The following ADCY9 variants were observed in gnomAD, a reference collection of about 807,000 sequenced individuals.
ADCY9 encodes the protein adenylate cyclase 9.
In ADCY9, 50 loss-of-function variants were observed where a neutral mutation model predicts 101.5. The observed-to-expected ratio is 0.49, with a 90% CI of 0.39 to 0.62. The LOEUF (loss-of-function observed/expected upper bound fraction) is 0.62, where lower values mean the gene tolerates loss of function less well. ADCY9 is among the 20% of genes least tolerant of loss of function. ADCY9 has a pLI of 0.00. For synonymous variants in ADCY9, 905 were observed against 769.3 expected, an observed-to-expected ratio of 1.18 and a Z score of -2.92; for missense variants, 1,662 against 1,800.4, an observed-to-expected ratio of 0.92 and a Z score of 1.39.
chr16:3,980,994 T>C (rs574008596), intron 7 of ADCY9, among the ~76,000 whole-genome samples: 1 of 152,154 alleles, frequency 6.6e-6, no homozygotes, highest in South Asian at 2.1e-4. Flanking sequence ...CTGGCTTTCC[T>C]CCTGTACAGG....
rs2055992041 is a variant in ADCY9, at chr16:3,966,156, C to T, written c.3681G>A (p.Gly1227=). 4 of 1,614,222 alleles carry T rather than the reference C, an allele frequency of 2.5e-6. No homozygotes were observed. The highest frequency in any genetic ancestry group is 2.5e-6 in the Non-Finnish European group (3 of 1,180,034). Residue 1227 remains glycine, a synonymous_variant, in exon 11 of 11, where the codon GGG becomes GGA. Transcript: ENST00000294016. ...GGCCTTTCCCCTTGACATTCACGGT[C>T]CCTCTGTAGTCGAAGTCATAGCCCA... ...SKMGYDFDYR[G]TVNVKGKGQM...
intron 2 of ADCY9, among the ~76,000 whole-genome samples, chr16:4,080,718 G>GTTTTT (rs35038759): frequency 7.0e-6 from 1 of 143,694 alleles, no homozygotes; most frequent in Non-Finnish European, 1.5e-5. Context: ...CATTTTTTTC[G>GTTTTT]TTTTTTTTTT....
intron 2 of ADCY9, among the ~76,000 whole-genome samples, chr16:4,052,851 C>T (rs1196402884): frequency 1.3e-5 from 2 of 152,172 alleles, no homozygotes; most frequent in South Asian, 2.1e-4. Flanking sequence ...GGCGGGGTCC[C>T]GTTTCAGCCG....
At chr16:4,003,747 G>A (rs539894809) in intron 3 of ADCY9, among the ~76,000 whole-genome samples, 9 of 151,982 alleles carry the variant, frequency 5.9e-5, no homozygotes, top group African/African-American at 1.4e-4. Context: ...CTTCACAGTC[G>A]CAAAGCCAAG....
chr16:4,003,085 C>T (rs1301096956), intron 3 of ADCY9, among the ~76,000 whole-genome samples: 1 of 152,138 alleles, frequency 6.6e-6, no homozygotes, highest in Non-Finnish European at 1.5e-5. Context: ...TAGATCCACT[C>T]ATCACCCACA....
At chr16:4,071,618 T>C (rs1327763576) in intron 2 of ADCY9, among the ~76,000 whole-genome samples, 1 of 152,120 alleles carries the variant, frequency 6.6e-6, no homozygotes, top group Non-Finnish European at 1.5e-5. Flanking sequence ...AAAGAAAAAT[T>C]TAGATTCTAG....
In ADCY9 at chr16:4,054,517, G is replaced by C. The variant is rs566000356; in HGVS notation, c.1694-46959C>G. ...GCAAACCTTCTTGCTGGAGGTATTAGATACGGGAAGCACCTGTAGTAATCA... is the reference window on the plus strand; with the variant it reads ...GCAAACCTTCTTGCTGGAGGTATTACATACGGGAAGCACCTGTAGTAATCA... On this transcript the variant is annotated intron_variant, in intron 2 of 10. Transcript: ENST00000294016. Among the ~76,000 whole-genome samples the C allele has an allele frequency of 2.6e-5, 4 of 151,988 alleles. 1 individual carries two copies. The highest frequency in any genetic ancestry group is 5.9e-5 in the Non-Finnish European group (4 of 68,024).
intron 2 of ADCY9, among the ~76,000 whole-genome samples, chr16:4,110,243 G>A (rs1219273181): frequency 3.9e-5 from 6 of 152,190 alleles, no homozygotes; most frequent in Non-Finnish European, 8.8e-5. Context: ...GTGAGCCGGT[G>A]GCAGGAAAGA....
intron 2 of ADCY9, among the ~76,000 whole-genome samples, chr16:4,092,892 C>G (rs1323507765): frequency 6.6e-6 from 1 of 151,992 alleles, no homozygotes; most frequent in Admixed American, 6.6e-5. Context: ...GAAAGCACAC[C>G]AACAGCTACA....
At chr16:3,971,424 G>A (rs1436315118) in intron 10 of ADCY9, among the ~76,000 whole-genome samples, 1 of 152,136 alleles carries the variant, frequency 6.6e-6, no homozygotes, top group East Asian at 1.9e-4. Context: ...GCCCTGATAC[G>A]GGCTTTGTGA....
chr16:4,115,203 G>A lies in ADCY9; in HGVS notation c.240C>T (p.Pro80=). The change falls in exon 2 of 11, where the codon CCC becomes CCT. Residue 80 remains proline (P), a synonymous_variant. Coordinates refer to ENST00000294016, the MANE Select transcript of ADCY9 (RefSeq NM_001116.4). The surrounding 1 kb of genome is among the most constrained non-coding windows in gnomAD (Gnocchi z 6.2). ...GGRLRRQKKL[P]QLFERASSRW... ...GGCTGGAGGCCCTCTCGAACAGCTG[G>A]GGCAGCTTCTTCTGCCTGCGCAGCC... is the stretch of plus-strand genomic sequence containing the variant. 6.2e-7 allele frequency: 1 copy of A among 1,613,592 alleles called. No homozygotes were observed. The highest frequency in any genetic ancestry group is 1.1e-5 in the South Asian group (1 of 91,076).
At chr16:4,044,901 C>T (rs1048068103) in intron 2 of ADCY9, among the ~76,000 whole-genome samples, 2 of 152,178 alleles carry the variant, frequency 1.3e-5, no homozygotes, top group South Asian at 2.1e-4. Context: ...ATCCACTTCC[C>T]GGCCTCACAG....
rs1236643239 is a variant in ADCY9, at chr16:4,029,019, G to A, written c.1694-21461C>T. ...AGGCTGGTCTCGAACTCCTCACCTC[G>A]TGATCCACCCTCCTCGGCCTCCCAA... is the stretch of plus-strand genomic sequence containing the variant. On this transcript the variant is annotated intron_variant, in intron 2 of 10. Coordinates refer to ENST00000294016, the MANE Select transcript of ADCY9 (RefSeq NM_001116.4). Among the ~76,000 whole-genome samples, 7 of 151,988 alleles carry A rather than the reference G, an allele frequency of 4.6e-5. No individual in the cohort carries two copies. The South Asian group carries it at 6.2e-4, about 13-fold the overall frequency.
At chr16:4,069,109 T>C (rs2056817758) in intron 2 of ADCY9, among the ~76,000 whole-genome samples, 1 of 152,164 alleles carries the variant, frequency 6.6e-6, no homozygotes, top group African/African-American at 2.4e-5. Context: ...ATGCAAAATG[T>C]CCTCAAAAAG....
intron 2 of ADCY9, among the ~76,000 whole-genome samples, chr16:4,104,177 A>G (rs1485585222): frequency 6.6e-6 from 1 of 152,198 alleles, no homozygotes; most frequent in African/African-American, 2.4e-5. Flanking sequence ...TTTGCCGCCA[A>G]TGATAAAAAA....
intron 2 of ADCY9, among the ~76,000 whole-genome samples, chr16:4,037,712 T>C (rs2056599022): frequency 6.6e-6 from 1 of 152,208 alleles, no homozygotes; most frequent in South Asian, 2.1e-4. Flanking sequence ...TTCTCTGTGA[T>C]GAGTGATGCT....
At chr16:4,112,419 G>C (rs1403580553) in intron 2 of ADCY9, among the ~76,000 whole-genome samples, 3 of 152,158 alleles carry the variant, frequency 2.0e-5, no homozygotes, top group Non-Finnish European at 4.4e-5. Context: ...TCCCTTGCCA[G>C]AGAACAAATA....
At position 4,114,144 on chromosome 16, in the gene ADCY9, G is replaced by T. The variant is rs766368158; in HGVS notation, c.1299C>A (p.Thr433=). The T allele has an allele frequency of 1.2e-6, 2 of 1,613,710 alleles. No homozygotes were observed. ...CCAGGGTGCTGATTTTCTCACACTT[G>T]GTCTCCTCACACAGGCGGTCGAAGC... ...FGRFDRLCEE[T]KCEKISTLGD... The change falls in exon 2 of 11, where the codon ACC becomes ACA. Residue 433 remains threonine, a synonymous_variant. Transcript: ENST00000294016. This position sits in a 1 kb window ranked among gnomAD's most constrained non-coding sequence, Gnocchi z 4.3.
chr16:3,968,387 C>A (rs1412085771), intron 10 of ADCY9, among the ~76,000 whole-genome samples: 1 of 151,374 alleles, frequency 6.6e-6, no homozygotes, highest in Non-Finnish European at 1.5e-5. Flanking sequence ...CCACCTCAGC[C>A]TCCCAAAGTG....
Sources: allele counts gnomAD v4.1 joint callset (sites outside exome capture counted in the v4.1 genomes callset), GRCh38; gene constraint gnomAD v4.1.1; non-coding constraint Gnocchi (gnomAD v3.1); transcripts MANE v1.5; gene names NCBI Gene and HGNC (gene_info 2026-07-23, HGNC 2026-07-21).